ZFR2: variants seen among roughly 807,000 people sequenced by gnomAD.
The protein encoded by ZFR2 is zinc finger RNA binding protein 2.
A neutral mutation model predicts 105.7 loss-of-function variants in ZFR2; 104 were observed. The ratio of observed to expected loss-of-function variants is 0.98; its 90% confidence interval spans 0.84 to 1.16. ZFR2 has a LOEUF of 1.16. Among genes scored for constraint, ZFR2 ranks in the 50% most tolerant of loss-of-function variants. ZFR2 has a pLI of 0.00. For synonymous variants in ZFR2, 634 were observed against 597.7 expected, an observed-to-expected ratio of 1.06 and a Z score of -0.89; for missense variants, 1,425 against 1,355.5, an observed-to-expected ratio of 1.05 and a Z score of -0.80.
chr19:3,845,132 C>T (rs779372915), intron 1 of ZFR2, among the ~76,000 whole-genome samples: 3 of 152,154 alleles, frequency 2.0e-5, no homozygotes, highest in Admixed American at 1.3e-4. Flanking sequence ...TCCCTCTGTG[C>T]GTGTCTGTGT....
rs2038330850 is a variant in ZFR2, at chr19:3,858,227, A to G, written c.53+10738T>C. On this transcript the variant is annotated intron_variant, in intron 1 of 18. Coordinates refer to ENST00000262961, the MANE Select transcript of ZFR2 (RefSeq NM_015174.2). This position sits in a 1 kb window ranked among gnomAD's most constrained non-coding sequence, Gnocchi z 4.3. ...GGCCCAGAGCTCTTTCTGTAGGGCC[A>G]TGCTCTTGCTTGCTCCGAAGAGACG... Among the ~76,000 whole-genome samples the G allele has an allele frequency of 6.6e-6, 1 of 152,164 alleles. No individual in the cohort carries two copies. The highest frequency in any genetic ancestry group is 1.5e-5 in the Non-Finnish European group (1 of 68,032).
At chr19:3,856,772 C>T (rs1472890905) in intron 1 of ZFR2, among the ~76,000 whole-genome samples, 1 of 152,178 alleles carries the variant, frequency 6.6e-6, no homozygotes, top group African/African-American at 2.4e-5. Flanking sequence ...GCTCTGTCGC[C>T]CAGGCTGGAG....
At position 3,857,627 on chromosome 19, in the gene ZFR2, C is replaced by T. The variant is rs1382818602; in HGVS notation, c.53+11338G>A. ...ATGAGAATCACTTGAACCCAGGAGG[C>T]GGAGGTTGCTGTGAGCCGAGATTGC... On this transcript the variant is annotated intron_variant, in intron 1 of 18. Coordinates refer to ENST00000262961, the MANE Select transcript of ZFR2 (RefSeq NM_015174.2). 8.5e-5 allele frequency among the ~76,000 whole-genome samples: 12 copies of T among 140,690 alleles called. No homozygotes were observed. The Admixed American group carries it at 9.1e-4, about 11-fold the overall frequency. The allele number at this position is 140,690 out of a possible 152,430, so 92.3% of individuals were successfully genotyped here.
At chr19:3,865,989 G>A (rs888768287) in intron 1 of ZFR2, among the ~76,000 whole-genome samples, 2 of 151,974 alleles carry the variant, frequency 1.3e-5, no homozygotes, top group Admixed American at 6.6e-5. Flanking sequence ...TTACAGGCGC[G>A]CGACACCACG....
chr19:3,834,544 CGTG>C lies in ZFR2; in HGVS notation c.264+226_264+228del, dbSNP rs2038057248. Among the ~76,000 whole-genome samples the C allele has an allele frequency of 6.6e-6, 1 of 152,094 alleles. No individual in the cohort carries two copies. On this transcript the variant is annotated intron_variant, in intron 2 of 18. Coordinates refer to ENST00000262961, the MANE Select transcript of ZFR2 (RefSeq NM_015174.2). The surrounding 1 kb of genome is among the most constrained non-coding windows in gnomAD (Gnocchi z 5.3). ...GCCGTCACTGTCCCCACTGCCCCGA[CGTG>C]GAGGTACGCATGCGGCCTGTCCCCG... is the stretch of plus-strand genomic sequence containing the variant.
intron 12 of ZFR2, among the ~76,000 whole-genome samples, chr19:3,818,372 C>T (rs926304103): frequency 2.0e-5 from 3 of 151,786 alleles, no homozygotes; most frequent in Admixed American, 6.6e-5. Context: ...GAGGCTGAGG[C>T]GGGAGGACAG....
intron 17 of ZFR2, among the ~76,000 whole-genome samples, chr19:3,807,730 G>GCA (rs1438567271): frequency 9.0e-6 from 1 of 111,694 alleles, no homozygotes; most frequent in African/African-American, 3.5e-5. Flanking sequence ...GTGCCCGTGT[G>GCA]TGTGTGCATG....
chr19:3,821,418 A>G lies in ZFR2; in HGVS notation c.1553T>C (p.Leu518Pro). ...TEPSSRARKV[L>P]EERMRKQRHL... ...CCGCTGCTTCCTCATGCGCTCCTCC[A>G]GGACCTTCCGAGCCCGGCTGCTGGG... The change falls in exon 10 of 19, where the codon CTG (leucine) becomes CCG (proline). Residue 518 changes from leucine to proline, a missense_variant. By Grantham distance (98) the Leu-to-Pro change is moderately conservative. Transcript: ENST00000262961. The G allele has an allele frequency of 6.2e-7, 1 of 1,611,214 alleles. No individual in the cohort carries two copies. The highest frequency in any genetic ancestry group is 8.5e-7 in the Non-Finnish European group (1 of 1,178,766).
At chr19:3,821,601 A>T in intron 9 of ZFR2, 122 bp from the exon 10 acceptor site, 1 of 637,494 alleles carries the variant, frequency 1.6e-6, no homozygotes, top group Non-Finnish European at 2.2e-6. Flanking sequence ...AATCTCCCAA[A>T]GCCTTTTTTT....
intron 1 of ZFR2, chr19:3,855,408 G>A (rs2038285756): frequency 8.1e-7 from 1 of 1,231,724 alleles, no homozygotes; most frequent in Non-Finnish European, 1.0e-6. Context: ...ATACCTGACA[G>A]AAAGTGAAAG....
In ZFR2 at chr19:3,822,163, C is replaced by T. The variant is rs1309684123; in HGVS notation, c.1409G>A (p.Cys470Tyr). 17 of 1,607,472 alleles carry T rather than the reference C, an allele frequency of 1.1e-5. No homozygotes were observed. The highest frequency in any genetic ancestry group is 1.3e-5 in the African/African-American group (1 of 74,786). Residue 470 changes from cysteine (C) to tyrosine (Y), a missense_variant, in exon 9 of 19, where the codon TGC (cysteine) becomes TAC (tyrosine). Physicochemically the swap from Cys to Tyr is radical, Grantham distance 194. Coordinates refer to ENST00000262961, the MANE Select transcript of ZFR2 (RefSeq NM_015174.2). ...SDEGRVLRFH[C>Y]KLCECSFNDL... ...GTTGAAACTGCACTCGCACAGCTTG[C>T]AGTGGAAGCGAAGCACTCGCCCTTC...
In ZFR2 at chr19:3,822,205, GAC is replaced by G. The variant is rs757850286; in HGVS notation, c.1372-7_1372-6del. The stretch of plus-strand genomic sequence containing the variant: ...TCGCCCTTCGTCGCTGAACACCTGA[GAC>G]ACAGAACAGCCGCACGCGCACCAGG... On this transcript the variant is annotated splice_polypyrimidine_tract_variant and splice_region_variant and intron_variant, in intron 8 of 18. Transcript: ENST00000262961. 8.2e-6 allele frequency: 13 copies of G among 1,583,080 alleles called. No individual in the cohort carries two copies. The highest frequency in any genetic ancestry group is 4.0e-5 in the African/African-American group (3 of 74,320).
At position 3,825,359 on chromosome 19, in the gene ZFR2, G is replaced by T. The variant is rs373158473; in HGVS notation, c.1084C>A (p.Pro362Thr). The T allele has an allele frequency of 5.0e-6, 8 of 1,591,792 alleles. No homozygotes were observed. The African/African-American group carries it at 5.4e-5, about 11-fold the overall frequency. The stretch of plus-strand genomic sequence containing the variant: ...GGGGGGCTCTCTGTGGCCAGTGCAG[G>T]CTCGAGGGTGGGAATGGGCTTCCCC... The part of the protein sequence containing the change: ...KLGKPIPTLE[P>T]ALATESPPGA... Residue 362 changes from proline (P) to threonine (T), a missense_variant, in exon 7 of 19, where the codon CCT (proline) becomes ACT (threonine). Coordinates refer to ENST00000262961, the MANE Select transcript of ZFR2 (RefSeq NM_015174.2).
intron 14 of ZFR2, among the ~76,000 whole-genome samples, chr19:3,812,994 C>T (rs911341295): frequency 3.3e-5 from 5 of 152,260 alleles, no homozygotes; most frequent in East Asian, 1.9e-4. Flanking sequence ...GCAGGAGAAT[C>T]GCTTGAACCC....
At chr19:3,817,077 G>A (rs1362701878) in intron 12 of ZFR2, among the ~76,000 whole-genome samples, 2 of 152,150 alleles carry the variant, frequency 1.3e-5, no homozygotes, top group Non-Finnish European at 2.9e-5. Context: ...CGGAGTAGCC[G>A]GGACGCGTGG....
rs112907275 is a variant in ZFR2, at chr19:3,806,870, C to T, written c.2643+302G>A. 9.6e-3 allele frequency among the ~76,000 whole-genome samples: 1,458 copies of T among 152,344 alleles called. 31 individuals carry two copies. Among genetic ancestry groups the T allele is most frequent in the African/African-American group, 0.033 (1,384 of 41,588 alleles). On this transcript the variant is annotated intron_variant, in intron 18 of 18. Transcript: ENST00000262961. ...GCTGGGCAGGCGGAGCTGTCGGCCA[C>T]GGCTGGGCTTCTAGGACCATGGTCA...
intron 1 of ZFR2, among the ~76,000 whole-genome samples, chr19:3,841,193 G>C (rs2038129448): frequency 6.6e-6 from 1 of 152,214 alleles, no homozygotes; most frequent in Non-Finnish European, 1.5e-5. Context: ...GTTTCAGAGT[G>C]CAAGGAGGGT....
rs2037875599 is a variant in ZFR2, at chr19:3,820,281, C to T, written c.1641G>A (p.Glu547=). 1.3e-6 allele frequency: 2 copies of T among 1,544,636 alleles called. No homozygotes were observed. Among genetic ancestry groups the T allele is most frequent in the African/African-American group, 1.4e-5 (1 of 72,864 alleles). The part of the protein sequence containing the change: ...RRWHAERRRL[E]EEPPQDVPPH... ...GCGGCACGTCCTGGGGTGGCTCCTC[C>T]TCCAGCCGCCTGCAGGACCGAGACG... The change falls in exon 11 of 19, where the codon GAG becomes GAA. Residue 547 remains glutamate, a synonymous_variant. Transcript: ENST00000262961.
intron 14 of ZFR2, among the ~76,000 whole-genome samples, chr19:3,811,912 C>T (rs547648015): frequency 2.0e-5 from 3 of 152,124 alleles, no homozygotes; most frequent in African/African-American, 7.2e-5. Context: ...AGGCGTGCAC[C>T]ACCACACCCA....
Sources: gnomAD v4.1 joint callset for allele counts (sites outside exome capture counted in the v4.1 genomes callset) on GRCh38, gnomAD v4.1.1 for gene constraint, Gnocchi (gnomAD v3.1) non-coding constraint, MANE v1.5 for transcripts, NCBI Gene and HGNC (gene_info 2026-07-23, HGNC 2026-07-21) for gene names.